ATP2C1: variants seen among roughly 807,000 people sequenced by gnomAD.
ATP2C1 encodes calcium-transporting ATPase type 2C member 1.
ATP2C1 carries 31 observed loss-of-function variants against 120.5 expected under a neutral mutation model. The observed-to-expected ratio is 0.26, with a 90% CI of 0.19 to 0.35. The LOEUF (loss-of-function observed/expected upper bound fraction) is 0.35, where lower values mean the gene tolerates loss of function less well. Among genes scored for constraint, ATP2C1 ranks in the 10% least tolerant of loss-of-function variants. The pLI, the probability that ATP2C1 is intolerant of heterozygous loss-of-function variation, is 1.00. For missense variants in ATP2C1, 731 were observed against 1,107.5 expected (o/e 0.66, Z 4.83); for synonymous variants, 351 against 358.7 (o/e 0.98, Z 0.24).
intron 2 of ATP2C1, among the ~76,000 whole-genome samples, chr3:130,911,076 C>T (rs2058384402): frequency 1.3e-5 from 2 of 151,854 alleles, no homozygotes; most frequent in Non-Finnish European, 2.9e-5. Flanking sequence ...TCCATCTGGT[C>T]CTGGACTCCT....
chr3:130,972,226 T>A (rs1202487837), intron 17 of ATP2C1, among the ~76,000 whole-genome samples: 1 of 152,166 alleles, frequency 6.6e-6, no homozygotes, highest in East Asian at 1.9e-4. Context: ...CAGGCAGTAG[T>A]GCTCTCTTGC....
chr3:130,945,581 G>T (rs2060115445), intron 8 of ATP2C1, among the ~76,000 whole-genome samples: 1 of 138,434 alleles, frequency 7.2e-6, no homozygotes, highest in South Asian at 2.2e-4. Context: ...TGTTCTCATT[G>T]TTCAATTCCC....
intron 1 of ATP2C1, among the ~76,000 whole-genome samples, chr3:130,855,401 G>T (rs547374202): frequency 6.6e-6 from 1 of 152,200 alleles, no homozygotes; most frequent in Non-Finnish European, 1.5e-5. Flanking sequence ...AAGCCGTGGG[G>T]TTGGAGGGTT....
At chr3:130,937,795 G>T (rs1485208122) in intron 6 of ATP2C1, among the ~76,000 whole-genome samples, 1 of 152,064 alleles carries the variant, frequency 6.6e-6, no homozygotes, top group African/African-American at 2.4e-5. Flanking sequence ...TAAAAAATTG[G>T]ACCAGAGTTT....
chr3:130,897,314 C>T (rs984610420), intron 2 of ATP2C1, among the ~76,000 whole-genome samples: 26 of 152,114 alleles, frequency 1.7e-4, no homozygotes, highest in African/African-American at 6.0e-4. Context: ...GATTTGAAGC[C>T]CGACAAGTAA....
chr3:130,939,605 G>A (rs2059809963), intron 6 of ATP2C1, among the ~76,000 whole-genome samples: 1 of 152,186 alleles, frequency 6.6e-6, no homozygotes, highest in African/African-American at 2.4e-5. Context: ...ATCTAGGATT[G>A]ATGGGTATTT....
chr3:130,966,792 A>G (rs1344395145), intron 14 of ATP2C1, among the ~76,000 whole-genome samples: 2 of 152,238 alleles, frequency 1.3e-5, no homozygotes, highest in Non-Finnish European at 2.9e-5. Flanking sequence ...TGTATGTTAC[A>G]TATGGTAATG....
intron 11 of ATP2C1, among the ~76,000 whole-genome samples, chr3:130,957,525 G>C (rs983211537): frequency 6.6e-6 from 1 of 152,012 alleles, no homozygotes; most frequent in African/African-American, 2.4e-5. Flanking sequence ...ATTCCAGCTA[G>C]TTTAGTATTT....
intron 1 of ATP2C1, among the ~76,000 whole-genome samples, chr3:130,883,706 C>T (rs2068861030): frequency 6.6e-6 from 1 of 152,120 alleles, no homozygotes; most frequent in South Asian, 2.1e-4. Context: ...ATCTGCCCAC[C>T]CTGGCCTCCC....
At chr3:130,995,365 A>G (rs915869862) in intron 22 of ATP2C1, among the ~76,000 whole-genome samples, 1 of 151,878 alleles carries the variant, frequency 6.6e-6, no homozygotes. Flanking sequence ...AGGTAAGTCA[A>G]GGTTGTGCCA....
rs775398768 is a variant in ATP2C1 at position 131,001,227 on chromosome 3, G to T, written c.2637G>T (p.Leu879Phe). Residue 879 changes from leucine (L) to phenylalanine (F), a missense_variant, in exon 28 of 28, where the codon TTG (leucine) becomes TTT (phenylalanine). By Grantham distance (22) the Leu-to-Phe change is conservative. Coordinates refer to ENST00000510168, the MANE Select transcript of ATP2C1 (RefSeq NM_001378687.1). ...QTESLSILDL[L>F]FLLGLTSSVC... ...ACTTATTTTCTCTTGCAGATCTGTT[G>T]TTTCTTTTGGGTCTCACCTCATCAG... 6.2e-7 allele frequency: 1 copy of T among 1,604,722 alleles called. No individual in the cohort carries two copies. The highest frequency in any genetic ancestry group is 2.3e-5 in the East Asian group (1 of 44,250).
In ATP2C1 at chr3:131,002,235, A is replaced by C. The variant is rs2062925324; in HGVS notation, c.*885A>C. 7 of 965,562 alleles carry C rather than the reference A, an allele frequency of 7.2e-6. No homozygotes were observed. Among genetic ancestry groups the C allele is most frequent in the Non-Finnish European group, 8.6e-6 (7 of 812,020 alleles). 59.8% of individuals were successfully genotyped at this position (965,562 alleles called of 1,614,324 possible). A position where few individuals can be genotyped will look rare whatever the true frequency, so the allele number is the denominator to read the frequency against. On this transcript the variant is annotated 3_prime_UTR_variant, in exon 28 of 28. Coordinates refer to ENST00000510168, the MANE Select transcript of ATP2C1 (RefSeq NM_001378687.1). ...AATATCATTTTGTCATCCTCTAAAT[A>C]TAAATCCAAATACCTCAGCTAAGTA...
At chr3:130,870,638 T>G (rs538055952) in intron 1 of ATP2C1, among the ~76,000 whole-genome samples, 53 of 152,312 alleles carry the variant, frequency 3.5e-4, no homozygotes, top group Non-Finnish European at 7.1e-4. Flanking sequence ...TTGCTGCAAT[T>G]TCATGATAAA....
chr3:130,893,898 GGCC>G, upstream of ATP2C1: 1 of 984,038 alleles, frequency 1.0e-6, no homozygotes, highest in Non-Finnish European at 1.2e-6. Flanking sequence ...GTCCATTCCG[GGCC>G]GAAGTCTCGG....
chr3:130,957,523 T>A (rs2060632051), intron 11 of ATP2C1, among the ~76,000 whole-genome samples: 1 of 152,158 alleles, frequency 6.6e-6, no homozygotes, highest in Non-Finnish European at 1.5e-5. Context: ...TTATTCCAGC[T>A]AGTTTAGTAT....
intron 2 of ATP2C1, chr3:130,918,762 C>T (rs537825832): frequency 2.9e-5 from 11 of 381,398 alleles, no homozygotes; most frequent in African/African-American, 1.0e-4. Flanking sequence ...GAGGCCGAGG[C>T]GGGCGGATCA....
At chr3:130,935,006 A>T (rs867882276) in intron 5 of ATP2C1, among the ~76,000 whole-genome samples, 59 of 151,942 alleles carry the variant, frequency 3.9e-4, no homozygotes, top group African/African-American at 1.2e-3. Context: ...CAATTTTAAA[A>T]TTTTTTTGTA....
chr3:130,865,693 T>G (rs2068152152), intron 1 of ATP2C1, among the ~76,000 whole-genome samples: 1 of 152,232 alleles, frequency 6.6e-6, no homozygotes. Context: ...TGCTTTTGCT[T>G]CTTCCTCATT....
Position 131,002,212 on chromosome 3 carries a change from TATC to T in ATP2C1, c.*865_*867del. On this transcript the variant is annotated 3_prime_UTR_variant, in exon 28 of 28. Transcript: ENST00000510168. The stretch of plus-strand genomic sequence containing the variant: ...AGGTAAAGATATATACTTTGTCAAA[TATC>T]ATTTTGTCATCCTCTAAATATAAAT... 1.0e-6 allele frequency: 1 copy of T among 968,788 alleles called. No homozygotes were observed. Among genetic ancestry groups the T allele is most frequent in the Non-Finnish European group, 1.2e-6 (1 of 814,810 alleles). 60.0% of individuals were successfully genotyped at this position (968,788 alleles called of 1,614,324 possible).
Sources: gnomAD v4.1 joint callset for allele counts (sites outside exome capture counted in the v4.1 genomes callset) on GRCh38, gnomAD v4.1.1 for gene constraint, MANE v1.5 for transcripts, NCBI Gene and HGNC (gene_info 2026-07-23, HGNC 2026-07-21) for gene names.